The following RASSF8 variants were observed in gnomAD, a reference collection of about 807,000 sequenced individuals.
RASSF8 encodes Ras association domain family member 8, also known as ras association domain-containing protein 8.
A neutral mutation model predicts 48.5 loss-of-function variants in RASSF8; 22 were observed. The observed-to-expected ratio is 0.45, with a 90% confidence interval of 0.32 to 0.65. The LOEUF is 0.65. RASSF8 is among the 30% of genes least tolerant of loss of function. RASSF8 has a pLI of 0.03. For synonymous variants in RASSF8, 127 were observed against 171.5 expected, an observed-to-expected ratio of 0.74 and a Z score of 2.03; for missense variants, 418 against 489.2, an observed-to-expected ratio of 0.85 and a Z score of 1.37.
At chr12:26,036,598 A>T (rs1943155471) in intron 2 of RASSF8, among the ~76,000 whole-genome samples, 1 of 152,116 alleles carries the variant, frequency 6.6e-6, no homozygotes, top group South Asian at 2.1e-4. Context: ...AAGACTGGTA[A>T]CTTGAATTTT....
At position 25,986,884 on chromosome 12, in the gene RASSF8, T is replaced by A. The variant is rs142635659; in HGVS notation, c.-202-8153T>A. Among the ~76,000 whole-genome samples, 615 of 152,210 alleles carry A rather than the reference T, an allele frequency of 4.0e-3. 3 individuals are homozygous for A. The highest frequency in any genetic ancestry group is 0.014 in the Middle Eastern group (4 of 294). ...ACTGTCACTTGTGTATTGCTACCAT[T>A]TTTTTTGTAACTTGGGGCAGGATTG... On this transcript the variant is annotated intron_variant, in intron 1 of 5. Coordinates refer to ENST00000689635, the MANE Select transcript of RASSF8 (RefSeq NM_001394098.1).
In RASSF8 at chr12:26,025,384, C is replaced by T. The variant is rs185017680; in HGVS notation, c.-108-29852C>T. On this transcript the variant is annotated intron_variant, in intron 2 of 5. Coordinates refer to ENST00000689635, the MANE Select transcript of RASSF8 (RefSeq NM_001394098.1). ...CATCCTGGCTAACACAGTGAAACCC[C>T]GTCTCTACTAAAAATACAAAAAATT... 7.8e-3 allele frequency among the ~76,000 whole-genome samples: 1,189 copies of T among 151,518 alleles called. 16 individuals carry two copies. The highest frequency in any genetic ancestry group is 0.024 in the African/African-American group (1,011 of 41,300).
Position 26,040,596 on chromosome 12 carries a change from C to A in RASSF8, c.-108-14640C>A, listed in dbSNP as rs187687449. Reference sequence around the variant, plus strand: ...TCAGTTGAATAGTTACAGATAGATACCTCTTGACTCTGAAAACATCTGTCC... The same window carrying A: ...TCAGTTGAATAGTTACAGATAGATAACTCTTGACTCTGAAAACATCTGTCC... On this transcript the variant is annotated intron_variant, in intron 2 of 5. Transcript: ENST00000689635. 3.7e-3 allele frequency among the ~76,000 whole-genome samples: 562 copies of A among 152,198 alleles called. 5 individuals are homozygous for A. The highest frequency in any genetic ancestry group is 6.4e-3 in the Admixed American group (98 of 15,280).
At chr12:25,960,899 A>G (rs1320368629) in intron 1 of RASSF8, among the ~76,000 whole-genome samples, 1 of 152,246 alleles carries the variant, frequency 6.6e-6, no homozygotes, top group African/African-American at 2.4e-5. Context: ...GTTACAAAGA[A>G]CAGAGAGTGT....
At chr12:25,980,947 A>G (rs752728183) in intron 1 of RASSF8, among the ~76,000 whole-genome samples, 9 of 152,142 alleles carry the variant, frequency 5.9e-5, no homozygotes, top group South Asian at 4.1e-4. Flanking sequence ...TCCTGAAACT[A>G]TGGTTGTTGT....
intron 1 of RASSF8, among the ~76,000 whole-genome samples, chr12:25,972,985 T>C (rs1221452286): frequency 6.6e-6 from 1 of 152,176 alleles, no homozygotes. Flanking sequence ...CACCCAAGGC[T>C]GTGTGATTCA....
At chr12:26,000,550 G>A (rs773611869) in intron 2 of RASSF8, among the ~76,000 whole-genome samples, 11 of 151,838 alleles carry the variant, frequency 7.2e-5, no homozygotes, top group African/African-American at 1.9e-4. Flanking sequence ...GTCACTTAAC[G>A]GGAATACACA....
In RASSF8 at chr12:26,069,153, T is replaced by C; in HGVS notation, c.*335T>C. On this transcript the variant is annotated 3_prime_UTR_variant, in exon 6 of 6. Coordinates refer to ENST00000689635, the MANE Select transcript of RASSF8 (RefSeq NM_001394098.1). ...GACTTAAGTAAGAGTGAAGAGAAAT[T>C]TGTGACTGGCTTAGTTTAATTTATT... is the stretch of plus-strand genomic sequence containing the variant. The C allele has an allele frequency of 3.0e-6, 3 of 991,966 alleles. No homozygotes were observed. Among genetic ancestry groups the C allele is most frequent in the Non-Finnish European group, 3.6e-6 (3 of 834,018 alleles). The allele number at this position is 991,966 out of a possible 1,614,324, so 61.4% of individuals were successfully genotyped here. A position where few individuals can be genotyped will look rare whatever the true frequency, so the allele number is the denominator to read the frequency against.
downstream of RASSF8, among the ~76,000 whole-genome samples, chr12:26,073,849 C>CACACACACAT (rs35014279): frequency 0.059 from 8,540 of 144,068 alleles, 380 homozygotes; most frequent in Non-Finnish European, 0.077. Flanking sequence ...CACACACACA[C>CACACACACAT]ATATATATAT....
At position 26,070,905 on chromosome 12, in the gene RASSF8, A is replaced by G. The variant is rs192798097; in HGVS notation, c.*2087A>G. On this transcript the variant is annotated 3_prime_UTR_variant, in exon 6 of 6. Transcript: ENST00000689635. ...CAACTCATTATAAATTGTTATCAGAATTAACCTAATAACTTTAAGTAAGGA... is the reference window on the plus strand; with the variant it reads ...CAACTCATTATAAATTGTTATCAGAGTTAACCTAATAACTTTAAGTAAGGA... 9.0e-5 allele frequency: 89 copies of G among 984,898 alleles called. No homozygotes were observed. In the African/African-American group the frequency reaches 1.6e-3, roughly 17 times the overall value. The allele number at this position is 984,898 out of a possible 1,614,324, so 61.0% of individuals were successfully genotyped here. A position where few individuals can be genotyped will look rare whatever the true frequency, so the allele number is the denominator to read the frequency against.
At chr12:26,036,943 G>T (rs1310454417) in intron 2 of RASSF8, among the ~76,000 whole-genome samples, 1 of 151,572 alleles carries the variant, frequency 6.6e-6, no homozygotes, top group Non-Finnish European at 1.5e-5. Context: ...ACAAAAAACT[G>T]TATGTGTATT....
At chr12:25,996,681 A>G (rs763438406) in intron 2 of RASSF8, among the ~76,000 whole-genome samples, 18 of 152,202 alleles carry the variant, frequency 1.2e-4, no homozygotes, top group Admixed American at 6.5e-5. Context: ...TACAGTACAA[A>G]GAGACGCCTT....
At chr12:26,056,943 G>C (rs76450652) in intron 3 of RASSF8, among the ~76,000 whole-genome samples, 1 of 150,492 alleles carries the variant, frequency 6.6e-6, no homozygotes, top group South Asian at 2.1e-4. Context: ...TTTTTTCTTA[G>C]TGAAGACTAC....
intron 1 of RASSF8, among the ~76,000 whole-genome samples, chr12:25,993,195 A>G (rs1433659018): frequency 6.6e-6 from 1 of 152,186 alleles, no homozygotes; most frequent in Admixed American, 6.5e-5. Flanking sequence ...GAATTTTGCA[A>G]TTATAAAAGT....
At chr12:25,990,695 G>A (rs1941994089) in intron 1 of RASSF8, among the ~76,000 whole-genome samples, 1 of 152,114 alleles carries the variant, frequency 6.6e-6, no homozygotes, top group Non-Finnish European at 1.5e-5. Flanking sequence ...GTATTTTGAT[G>A]ACAAGGTGAA....
At chr12:26,053,116 T>C (rs1359456366) in intron 2 of RASSF8, 4 of 152,010 alleles carry the variant, frequency 2.6e-5, no homozygotes, top group Admixed American at 6.6e-5. Context: ...ATGATGCCTG[T>C]AGTTAATAAT....
intron 1 of RASSF8, among the ~76,000 whole-genome samples, chr12:25,980,802 T>C (rs1251195273): frequency 6.6e-6 from 1 of 152,204 alleles, no homozygotes; most frequent in Non-Finnish European, 1.5e-5. Context: ...AAAAAATTCA[T>C]GGAATGAGAT....
chr12:25,966,967 A>C (rs533054911), intron 1 of RASSF8, among the ~76,000 whole-genome samples: 23 of 152,324 alleles, frequency 1.5e-4, no homozygotes, highest in African/African-American at 4.3e-4. Flanking sequence ...TATGGATGGA[A>C]GTTAATTTTC....
intron 2 of RASSF8, among the ~76,000 whole-genome samples, chr12:26,047,323 G>C (rs1179883487): frequency 1.3e-5 from 2 of 152,064 alleles, no homozygotes; most frequent in Non-Finnish European, 2.9e-5. Flanking sequence ...AAATTAGCAA[G>C]AACAGACCAC....
Sources: gnomAD v4.1 joint callset for allele counts (sites outside exome capture counted in the v4.1 genomes callset) on GRCh38, gnomAD v4.1.1 for gene constraint, MANE v1.5 for transcripts, NCBI Gene and HGNC (gene_info 2026-07-23, HGNC 2026-07-21) for gene names.